AAMDC: variants seen among roughly 807,000 people sequenced by gnomAD.
AAMDC encodes adipogenesis associated Mth938 domain containing, also known as mth938 domain-containing protein.
Under a neutral mutation model 15.5 loss-of-function variants are expected in AAMDC, and 16 were observed. That is an observed-to-expected ratio of 1.03 (90% CI 0.70 to 1.57). The LOEUF (loss-of-function observed/expected upper bound fraction) is 1.57. Ranked by LOEUF, AAMDC falls within the 40% of genes most tolerant of loss-of-function variation. The pLI, the probability that AAMDC is intolerant of heterozygous loss-of-function variation, is 0.00. For missense variants in AAMDC, 141 were observed against 144.9 expected, an observed-to-expected ratio of 0.97 and a Z score of 0.14; for synonymous variants, 51 against 51.6, an observed-to-expected ratio of 0.99 and a Z score of 0.05.
downstream of AAMDC, among the ~76,000 whole-genome samples, chr11:77,875,857 T>G (rs1951579912): frequency 1.3e-5 from 2 of 151,862 alleles, no homozygotes; most frequent in African/African-American, 4.8e-5. Flanking sequence ...GGCCTAGAGG[T>G]GACAGAAAAA....
intron 2 of AAMDC, chr11:77,868,704 T>G (rs1951249663): frequency 4.8e-6 from 1 of 207,560 alleles, no homozygotes; most frequent in African/African-American, 2.4e-5. Flanking sequence ...TGTTGTTTTT[T>G]AACACAAATT....
intron 5 of AAMDC, among the ~76,000 whole-genome samples, chr11:77,895,042 T>G (rs1222660125): frequency 6.6e-6 from 1 of 152,238 alleles, no homozygotes; most frequent in Non-Finnish European, 1.5e-5. Flanking sequence ...TGTTACTATT[T>G]TGGCGACAGA....
chr11:77,855,826 G>T (rs1950597159), intron 2 of AAMDC, among the ~76,000 whole-genome samples: 2 of 149,360 alleles, frequency 1.3e-5, no homozygotes, highest in Admixed American at 6.7e-5. Context: ...CCAGCCAAGT[G>T]CAGTGGCTCA....
At chr11:77,868,156 C>T (rs1382451849) in intron 2 of AAMDC, among the ~76,000 whole-genome samples, 3 of 145,372 alleles carry the variant, frequency 2.1e-5, no homozygotes, top group Admixed American at 6.9e-5. Flanking sequence ...CCCAGGTTCA[C>T]GCCATTCTCC....
chr11:77,826,613 C>A (rs868677344), intron 1 of AAMDC, among the ~76,000 whole-genome samples: 1 of 152,262 alleles, frequency 6.6e-6, no homozygotes, highest in Middle Eastern at 3.4e-3. Flanking sequence ...CAAGTACACT[C>A]CTGCTACACT....
At chr11:77,826,340 T>A (rs1949171709) in intron 1 of AAMDC, among the ~76,000 whole-genome samples, 1 of 151,060 alleles carries the variant, frequency 6.6e-6, no homozygotes, top group Non-Finnish European at 1.5e-5. Flanking sequence ...CTGGCCTGGG[T>A]GACAGAGTGA....
Position 77,842,402 on chromosome 11 carries a change from G to C in AAMDC, c.-18-77G>C, listed in dbSNP as rs1949968725. On this transcript the variant is annotated intron_variant, in intron 1 of 3. Coordinates refer to ENST00000393427, the MANE Select transcript of AAMDC (RefSeq NM_024684.4). ...GCTTCTTAAATCATGGAGAATCAGGGCTTAGTATCACTGTATTTTCAAACT... is the reference window on the plus strand; with the variant it reads ...GCTTCTTAAATCATGGAGAATCAGGCCTTAGTATCACTGTATTTTCAAACT... The C allele has an allele frequency of 3.0e-6, 4 of 1,344,942 alleles. No individual in the cohort carries two copies. In the African/African-American group the frequency reaches 5.9e-5, roughly 20 times the overall value. 83.3% of individuals were successfully genotyped at this position (1,344,942 alleles called of 1,614,324 possible). A position where few individuals can be genotyped will look rare whatever the true frequency, so the allele number is the denominator to read the frequency against.
intron 2 of AAMDC, among the ~76,000 whole-genome samples, chr11:77,860,761 G>T (rs1950843602): frequency 1.3e-5 from 2 of 152,154 alleles, no homozygotes; most frequent in Admixed American, 1.3e-4. Flanking sequence ...AGGATGTACA[G>T]GGATGCAGAA....
intron 2 of AAMDC, among the ~76,000 whole-genome samples, chr11:77,868,562 T>C (rs987151441): frequency 2.0e-5 from 3 of 151,666 alleles, no homozygotes; most frequent in African/African-American, 4.8e-5. Context: ...TTTCGCCATG[T>C]TGACCAGGCT....
intron 5 of AAMDC, among the ~76,000 whole-genome samples, chr11:77,892,560 TTTCAGA>T (rs1404652209): frequency 6.6e-6 from 1 of 152,188 alleles, no homozygotes; most frequent in Non-Finnish European, 1.5e-5. Flanking sequence ...CATGAACTTA[TTTCAGA>T]TTCAAAACTA....
chr11:77,836,746 G>T (rs1184607343), intron 1 of AAMDC, among the ~76,000 whole-genome samples: 1 of 152,168 alleles, frequency 6.6e-6, no homozygotes, highest in Admixed American at 6.6e-5. Flanking sequence ...CGGGTGGATC[G>T]CCTGAGGCTG....
chr11:77,865,130 T>C (rs1191593650), intron 2 of AAMDC, among the ~76,000 whole-genome samples: 1 of 152,202 alleles, frequency 6.6e-6, no homozygotes, highest in Non-Finnish European at 1.5e-5. Context: ...TCTAATGTGG[T>C]TGAGTCCCCA....
chr11:77,843,269 A>G (rs1156328113), intron 2 of AAMDC, among the ~76,000 whole-genome samples: 2 of 152,110 alleles, frequency 1.3e-5, no homozygotes, highest in Admixed American at 1.3e-4. Flanking sequence ...ATTTCCCTGC[A>G]TTTCCTCAAG....
chr11:77,844,837 G>A (rs2136151662), intron 2 of AAMDC, among the ~76,000 whole-genome samples: 2 of 152,294 alleles, frequency 1.3e-5, no homozygotes, highest in South Asian at 4.2e-4. Context: ...ATGATGTAAT[G>A]ATGGAAGTAG....
chr11:77,904,003 G>T (rs1191632065), downstream of AAMDC, among the ~76,000 whole-genome samples: 1 of 152,122 alleles, frequency 6.6e-6, no homozygotes, highest in Non-Finnish European at 1.5e-5. Context: ...CCTTAACTGT[G>T]GTTCTTTTTT....
intron 1 of AAMDC, among the ~76,000 whole-genome samples, chr11:77,822,486 A>G (rs1005638796): frequency 1.3e-5 from 2 of 151,832 alleles, no homozygotes; most frequent in African/African-American, 4.8e-5. Flanking sequence ...GAAATCTGTA[A>G]TTATAGAAAG....
downstream of AAMDC, chr11:77,901,372 T>A (rs567239352): frequency 6.9e-6 from 11 of 1,596,240 alleles, no homozygotes; most frequent in South Asian, 1.0e-4. Context: ...GCATTTGAAG[T>A]ATCTTTGAAA....
chr11:77,826,405 G>A (rs1032236542), intron 1 of AAMDC, among the ~76,000 whole-genome samples: 1 of 151,752 alleles, frequency 6.6e-6, no homozygotes, highest in African/African-American at 2.4e-5. Flanking sequence ...TATGTTTTAT[G>A]TCTTTTAGCT....
At chr11:77,890,852 G>A (rs941670782) in intron 5 of AAMDC, among the ~76,000 whole-genome samples, 1 of 152,162 alleles carries the variant, frequency 6.6e-6, no homozygotes, top group African/African-American at 2.4e-5. Flanking sequence ...TTTCTCATGT[G>A]TCTCTATTAC....
Sources: gnomAD v4.1 joint callset for allele counts (sites outside exome capture counted in the v4.1 genomes callset) on GRCh38, gnomAD v4.1.1 for gene constraint, MANE v1.5 for transcripts, NCBI Gene and HGNC (gene_info 2026-07-23, HGNC 2026-07-21) for gene names.